The following PSME4 variants were observed in gnomAD, a reference collection of about 807,000 sequenced individuals.
PSME4 encodes the protein proteasome activator complex subunit 4.
Under a neutral mutation model 253.9 loss-of-function variants are expected in PSME4, and 89 were observed. That is an observed-to-expected ratio of 0.35 (90% CI 0.30 to 0.42). PSME4 has a LOEUF of 0.42. Among genes scored for constraint, PSME4 ranks in the 10% least tolerant of loss-of-function variants. The pLI, the probability that PSME4 is intolerant of heterozygous loss-of-function variation, is 1.00. For synonymous variants in PSME4, 851 were observed against 759.2 expected (o/e 1.12, Z -1.99); for missense variants, 2,014 against 2,195.2 (o/e 0.92, Z 1.65).
intron 7 of PSME4, among the ~76,000 whole-genome samples, chr2:53,935,827 G>A (rs1669079414): frequency 6.6e-6 from 1 of 151,754 alleles, no homozygotes; most frequent in African/African-American, 2.4e-5. Flanking sequence ...ACTTGGAATT[G>A]GCATAGAAAA....
At position 53,898,310 on chromosome 2, in the gene PSME4, T is replaced by G; in HGVS notation, c.3467A>C (p.Gln1156Pro). The change falls in exon 30 of 47, where the codon CAA becomes CCA. Residue 1156 changes from glutamine to proline, a missense_variant. This residue lies in a region of PSME4 where 989 missense variants were observed against 1,021.1 expected (regional missense o/e 0.97). Transcript: ENST00000404125. ...AATCTTTTGCACTTACAGGTTTCTTTGCTCCACACCATCTAGCAAGGTGTC... is the reference window on the plus strand; with the variant it reads ...AATCTTTTGCACTTACAGGTTTCTTGGCTCCACACCATCTAGCAAGGTGTC... ...LVDTLLDGVE[Q>P]RNLPWKFEHI... 2 of 1,606,994 alleles carry G rather than the reference T, an allele frequency of 1.2e-6. No homozygotes were observed. The highest frequency in any genetic ancestry group is 1.7e-6 in the Non-Finnish European group (2 of 1,177,548).
chr2:53,928,232 A>C lies in PSME4; in HGVS notation c.1388T>G (p.Val463Gly). The stretch of plus-strand genomic sequence containing the variant: ...GCCTCCTGATACCAAACTGCGGGCT[A>C]CTCCAATTACACAACTTAAAGTAGC... Reference protein sequence around the residue: ...LTATLSCVIGVARSLVSGGRW... With the variant: ...LTATLSCVIGGARSLVSGGRW... Residue 463 changes from valine (V) to glycine (G), a missense_variant, in exon 11 of 47, where the codon GTA (valine) becomes GGA (glycine). This residue lies in a region of PSME4 where 615 missense variants were observed against 594.4 expected (regional missense o/e 1.03). Transcript: ENST00000404125. The C allele has an allele frequency of 6.2e-7, 1 of 1,614,060 alleles. No individual in the cohort carries two copies. Among genetic ancestry groups the C allele is most frequent in the Non-Finnish European group, 8.5e-7 (1 of 1,179,982 alleles).
At chr2:53,896,774 G>A in intron 32 of PSME4, 30 bp downstream of exon 32, 1 of 1,519,178 alleles carries the variant, frequency 6.6e-7, no homozygotes, top group African/African-American at 1.4e-5. Flanking sequence ...TTATTGGAAA[G>A]CACTATTAAT....
chr2:53,928,024 G>T, intron 11 of PSME4, 93 bp downstream of exon 11: 1 of 819,424 alleles, frequency 1.2e-6, no homozygotes, highest in Non-Finnish European at 1.9e-6. Context: ...ATTTATATTA[G>T]GCTTATGCAC....
At position 53,931,981 on chromosome 2, in the gene PSME4, A is replaced by T. The variant is rs1379548388; in HGVS notation, c.1170T>A (p.Asp390Glu). The T allele has an allele frequency of 1.2e-6, 2 of 1,613,984 alleles. No individual in the cohort carries two copies. The highest frequency in any genetic ancestry group is 2.7e-5 in the African/African-American group (2 of 74,926). ...ATTGTACAAAGTCTGTAACATCTTG[A>T]TCAGTAAGCTTGTGGCTATCAGGCA... ...TPVPDSHKLT[D>E]QDVTDFVQCI... Residue 390 changes from aspartate to glutamate, a missense_variant, in exon 10 of 47, where the codon GAT (aspartate) becomes GAA (glutamate). By Grantham distance (45) the Asp-to-Glu change is conservative. Around this residue, in one of 4 missense-constraint regions of PSME4, gnomAD observed 615 missense variants for 594.4 expected, o/e 1.03. Transcript: ENST00000404125.
chr2:53,970,809 C>G lies in PSME4; in HGVS notation c.-25G>C, dbSNP rs1417509095. The stretch of plus-strand genomic sequence containing the variant: ...TGAGCCCAGGGACACCCCCCCCACC[C>G]CCTCCCACCCGAACCCTCCCCGGCC... On this transcript the variant is annotated 5_prime_UTR_variant, in exon 1 of 47. Coordinates refer to ENST00000404125, the MANE Select transcript of PSME4 (RefSeq NM_014614.3). 2.0e-6 allele frequency: 3 copies of G among 1,492,672 alleles called. No homozygotes were observed. Among genetic ancestry groups the G allele is most frequent in the East Asian group, 2.5e-5 (1 of 39,934 alleles). The allele number at this position is 1,492,672 out of a possible 1,614,324, so 92.5% of individuals were successfully genotyped here. A position where few individuals can be genotyped will look rare whatever the true frequency, so the allele number is the denominator to read the frequency against.
chr2:53,910,042 C>A (rs1242631337), intron 21 of PSME4, 33 bp downstream of exon 21: 1 of 1,536,816 alleles, frequency 6.5e-7, no homozygotes, highest in Non-Finnish European at 9.0e-7. Flanking sequence ...AAAAATAATC[C>A]ACACAGATTT....
At chr2:53,926,105 C>T in intron 12 of PSME4, 82 bp from the exon 13 acceptor site, 1 of 1,048,904 alleles carries the variant, frequency 9.5e-7, no homozygotes, top group Non-Finnish European at 1.5e-6. Flanking sequence ...TTATTGCCTG[C>T]CAAATGTATC....
intron 1 of PSME4, among the ~76,000 whole-genome samples, chr2:53,961,591 TCG>T (rs1394869961): frequency 5.3e-5 from 8 of 152,192 alleles, no homozygotes; most frequent in African/African-American, 1.9e-4. Flanking sequence ...GATGGGAAGA[TCG>T]CTTGAGCCTG....
At chr2:53,936,286 T>C (rs1669112908) in intron 6 of PSME4, 125 bp from the exon 7 acceptor site, 1 of 1,321,614 alleles carries the variant, frequency 7.6e-7, no homozygotes, top group Non-Finnish European at 9.8e-7. Context: ...ATAGATAGTT[T>C]ATGACTTTGT....
chr2:53,891,294 G>C (rs916640864), intron 36 of PSME4, among the ~76,000 whole-genome samples: 1 of 152,146 alleles, frequency 6.6e-6, no homozygotes, highest in South Asian at 2.1e-4. Context: ...TTTTCTCATA[G>C]GTTAATGAGC....
At chr2:53,956,936 T>C (rs1052217373) in intron 1 of PSME4, among the ~76,000 whole-genome samples, 1 of 152,042 alleles carries the variant, frequency 6.6e-6, no homozygotes, top group Non-Finnish European at 1.5e-5. Flanking sequence ...CAATCAAAAA[T>C]GAAAAGGGTG....
chr2:53,908,075 C>A (rs964418549), intron 24 of PSME4: 1 of 444,706 alleles, frequency 2.2e-6, no homozygotes, highest in Non-Finnish European at 4.0e-6. Flanking sequence ...ATGCTATTGT[C>A]CAAATTCCCA....
intron 26 of PSME4, 147 bp from the exon 27 acceptor site, chr2:53,904,303 T>A: frequency 1.2e-6 from 1 of 810,370 alleles, no homozygotes; most frequent in Non-Finnish European, 1.9e-6. Context: ...AAAAAAGAAG[T>A]AAATGATTAT....
chr2:53,965,102 GAC>G (rs142563935), intron 1 of PSME4, among the ~76,000 whole-genome samples: 12 of 149,000 alleles, frequency 8.1e-5, no homozygotes, highest in East Asian at 2.0e-4. Context: ...CACACACACA[GAC>G]ACACACACAC....
chr2:53,877,211 G>A (rs1304449003), intron 41 of PSME4, among the ~76,000 whole-genome samples: 1 of 148,520 alleles, frequency 6.7e-6, no homozygotes, highest in Non-Finnish European at 1.5e-5. Flanking sequence ...ATTCTCATGA[G>A]GCTGGCATGG....
intron 20 of PSME4, among the ~76,000 whole-genome samples, chr2:53,914,296 G>A (rs1165669502): frequency 6.6e-6 from 1 of 152,014 alleles, no homozygotes; most frequent in African/African-American, 2.4e-5. Context: ...TAAAGGCAAG[G>A]GTCCAAAATT....
chr2:53,868,566 T>C (rs1017920324), intron 44 of PSME4, among the ~76,000 whole-genome samples: 1 of 109,842 alleles, frequency 9.1e-6, no homozygotes, highest in Non-Finnish European at 1.8e-5. Context: ...ATATATATAA[T>C]ATATATTATA....
At chr2:53,941,364 G>A (rs1669446274) in intron 3 of PSME4, among the ~76,000 whole-genome samples, 1 of 150,652 alleles carries the variant, frequency 6.6e-6, no homozygotes, top group African/African-American at 2.4e-5. Context: ...TGAGAGGGAG[G>A]TTCTTCTTTT....
Sources: gnomAD v4.1 joint callset for allele counts (sites outside exome capture counted in the v4.1 genomes callset) on GRCh38, gnomAD v4.1.1 for gene constraint, gnomAD v4.1.1 regional missense constraint, MANE v1.5 for transcripts, NCBI Gene and HGNC (gene_info 2026-07-23, HGNC 2026-07-21) for gene names.